The following MAGI2 variants were observed in gnomAD, a reference collection of about 807,000 sequenced individuals.
MAGI2 encodes the protein membrane associated guanylate kinase, WW and PDZ domain containing 2.
MAGI2 carries 35 observed loss-of-function variants against 133.3 expected under a neutral mutation model. The ratio of observed to expected loss-of-function variants is 0.26; its 90% confidence interval spans 0.20 to 0.35. The LOEUF (loss-of-function observed/expected upper bound fraction) is 0.35. MAGI2 is among the 10% of genes least tolerant of loss of function. The pLI is 1.00. For synonymous variants in MAGI2, 729 were observed against 710.6 expected (o/e 1.03, Z -0.41); for missense variants, 1,636 against 1,863.4 (o/e 0.88, Z 2.25).
chr7:79,088,646 T>C (rs1816755795), intron 1 of MAGI2, among the ~76,000 whole-genome samples: 1 of 152,106 alleles, frequency 6.6e-6, no homozygotes, highest in South Asian at 2.1e-4. Flanking sequence ...GGCTGTGGGT[T>C]TGTCATAAAT....
At chr7:79,103,626 A>G (rs1818178181) in intron 1 of MAGI2, among the ~76,000 whole-genome samples, 1 of 152,104 alleles carries the variant, frequency 6.6e-6, no homozygotes, top group African/African-American at 2.4e-5. Flanking sequence ...AACAGAGAGG[A>G]CAGTGACTGC....
At chr7:78,498,354 C>T (rs538871830) in intron 5 of MAGI2, among the ~76,000 whole-genome samples, 23 of 152,246 alleles carry the variant, frequency 1.5e-4, no homozygotes, top group African/African-American at 5.3e-4. Flanking sequence ...ATCACTGTCT[C>T]GTATTCTACA....
At chr7:78,702,176 G>A (rs147812636) in intron 2 of MAGI2, among the ~76,000 whole-genome samples, 51 of 152,014 alleles carry the variant, frequency 3.4e-4, no homozygotes, top group Middle Eastern at 3.4e-3. Context: ...TGGTCTAATG[G>A]GAAATACATT....
intron 9 of MAGI2, among the ~76,000 whole-genome samples, chr7:78,295,104 CTT>C (rs935495280): frequency 9.9e-5 from 15 of 152,048 alleles, no homozygotes; most frequent in Middle Eastern, 6.3e-3. Flanking sequence ...CTGTCTATGA[CTT>C]TTAGTTTTTT....
intron 6 of MAGI2, among the ~76,000 whole-genome samples, chr7:78,462,147 A>G (rs7788384): frequency 0.41 from 62,287 of 151,798 alleles, 15,631 homozygotes; most frequent in Middle Eastern, 0.6. Flanking sequence ...AATGAAGCAT[A>G]TGTTGTGCCT....
chr7:78,083,595 T>C (rs1816298311), intron 20 of MAGI2, among the ~76,000 whole-genome samples: 1 of 152,234 alleles, frequency 6.6e-6, no homozygotes, highest in Non-Finnish European at 1.5e-5. Context: ...AATACTTTTA[T>C]CTGTGGTCCC....
At chr7:78,936,318 T>C (rs1350969446) in intron 2 of MAGI2, among the ~76,000 whole-genome samples, 1 of 152,046 alleles carries the variant, frequency 6.6e-6, no homozygotes, top group African/African-American at 2.4e-5. Context: ...ACTCATTTAA[T>C]TATCATAAAA....
chr7:78,524,769 CAGTA>C (rs10608754), intron 3 of MAGI2, among the ~76,000 whole-genome samples: 103,902 of 151,676 alleles, frequency 0.69, 36,403 homozygotes, highest in African/African-American at 0.85. Context: ...GCACAGCTTT[CAGTA>C]AGTATGTTGC....
chr7:78,603,305 T>C (rs1195837182), intron 3 of MAGI2, among the ~76,000 whole-genome samples: 6 of 152,208 alleles, frequency 3.9e-5, no homozygotes, highest in Admixed American at 6.5e-5. Flanking sequence ...AGAGGAGATG[T>C]CCTAATACAG....
At chr7:78,434,109 T>C (rs1343226855) in intron 6 of MAGI2, among the ~76,000 whole-genome samples, 3 of 152,200 alleles carry the variant, frequency 2.0e-5, no homozygotes, top group Non-Finnish European at 2.9e-5. Flanking sequence ...TTAGATTAGA[T>C]GATGCCAAGA....
intron 10 of MAGI2, among the ~76,000 whole-genome samples, chr7:78,224,290 G>A (rs889628072): frequency 6.6e-6 from 1 of 152,150 alleles, no homozygotes; most frequent in African/African-American, 2.4e-5. Flanking sequence ...GACTTGTGAG[G>A]TGAGTTATCA....
At chr7:79,108,454 C>T (rs1156245294) in intron 1 of MAGI2, among the ~76,000 whole-genome samples, 1 of 152,166 alleles carries the variant, frequency 6.6e-6, no homozygotes, top group Admixed American at 6.5e-5. Context: ...ATCTCTACAA[C>T]AGACATGTAG....
chr7:79,039,847 C>T (rs1430695318), intron 1 of MAGI2, among the ~76,000 whole-genome samples: 1 of 140,420 alleles, frequency 7.1e-6, no homozygotes, highest in African/African-American at 2.6e-5. Flanking sequence ...ATTATATATA[C>T]ATATATATTA....
intron 2 of MAGI2, among the ~76,000 whole-genome samples, chr7:78,902,935 T>G (rs910944643): frequency 6.6e-6 from 1 of 152,126 alleles, no homozygotes; most frequent in African/African-American, 2.4e-5. Context: ...AGAGCAGTTC[T>G]AGCACACAGC....
At position 78,845,362 on chromosome 7, in the gene MAGI2, G is replaced by GA. The variant is rs531191184; in HGVS notation, c.418+161727dup. ...TGCCAGGATTTATCTCCATTTTAGT[G>GA]AAAGAATCAATAGTAGTTCTATCAT... On this transcript the variant is annotated intron_variant, in intron 2 of 21. Transcript: ENST00000354212. 2.8e-4 allele frequency among the ~76,000 whole-genome samples: 43 copies of GA among 151,966 alleles called. 1 individual carries two copies. In the East Asian group the frequency reaches 7.8e-3, roughly 28 times the overall value.
intron 1 of MAGI2, among the ~76,000 whole-genome samples, chr7:79,166,734 T>A (rs1487088424): frequency 6.6e-6 from 1 of 152,064 alleles, no homozygotes; most frequent in Admixed American, 6.6e-5. Flanking sequence ...AGTTTAAATT[T>A]CTCAAAATTT....
chr7:79,169,810 G>A (rs1028232722), intron 1 of MAGI2, among the ~76,000 whole-genome samples: 1 of 152,022 alleles, frequency 6.6e-6, no homozygotes, highest in African/African-American at 2.4e-5. Flanking sequence ...GAATCCTGTA[G>A]CTGTTCAATT....
chr7:78,103,677 A>G (rs1030372967), intron 20 of MAGI2, among the ~76,000 whole-genome samples: 5 of 152,256 alleles, frequency 3.3e-5, no homozygotes, highest in African/African-American at 1.2e-4. Flanking sequence ...AGTGCCTCAC[A>G]GTGTCTGTCT....
At chr7:78,361,700 T>A (rs185157016) in intron 7 of MAGI2, among the ~76,000 whole-genome samples, 225 of 152,344 alleles carry the variant, frequency 1.5e-3, no homozygotes, top group African/African-American at 5.2e-3. Flanking sequence ...ATTCTCTATG[T>A]GGAACCAGAA....
Sources: gnomAD v4.1 joint callset for allele counts (sites outside exome capture counted in the v4.1 genomes callset) on GRCh38, gnomAD v4.1.1 for gene constraint, MANE v1.5 for transcripts, NCBI Gene and HGNC (gene_info 2026-07-23, HGNC 2026-07-21) for gene names.